Variants in SPATA20 observed in about 807,000 individuals in gnomAD.
SPATA20 encodes the protein spermatogenesis associated 20.
Under a neutral mutation model 98.9 loss-of-function variants are expected in SPATA20, and 74 were observed. That is an observed-to-expected ratio of 0.75 (90% CI 0.62 to 0.91). SPATA20 has a LOEUF of 0.91. Ranked by LOEUF, SPATA20 falls within the 40% of genes least tolerant of loss-of-function variation. SPATA20 has a pLI of 0.00. For synonymous variants in SPATA20, 430 were observed against 440.5 expected (o/e 0.98, Z 0.30); for missense variants, 1,016 against 1,069.8 (o/e 0.95, Z 0.70).
rs2034978577 is a variant in SPATA20, at chr17:50,549,658, C to G, written c.862+171C>G. 2.6e-5 allele frequency among the ~76,000 whole-genome samples: 4 copies of G among 152,212 alleles called. No homozygotes were observed. In the South Asian group the frequency reaches 8.3e-4, roughly 31 times the overall value. The stretch of plus-strand genomic sequence containing the variant: ...TCGGTGAAGACCCGACTGCTGGTGT[C>G]AGCAGTGACCCTCTCACCTTAACCT... On this transcript the variant is annotated intron_variant, in intron 7 of 16. Transcript: ENST00000006658.
rs147552420 is a variant in SPATA20, at chr17:50,551,137, G to T, written c.1523G>T (p.Arg508Leu). 3 of 1,606,756 alleles carry T rather than the reference G, an allele frequency of 1.9e-6. No individual in the cohort carries two copies. Residue 508 changes from arginine (R) to leucine (L), a missense_variant, in exon 12 of 17, where the codon CGG (arginine) becomes CTG (leucine). Coordinates refer to ENST00000006658, the MANE Select transcript of SPATA20 (RefSeq NM_022827.4). ...NSGLEKLFQA[R>L]KHRPKPHLDS... ...GGGCTGGAGAAGCTCTTCCAGGCCCGGAAGCATCGGCCCAAGCCGCACCTG... is the reference window on the plus strand; with the variant it reads ...GGGCTGGAGAAGCTCTTCCAGGCCCTGAAGCATCGGCCCAAGCCGCACCTG...
chr17:50,550,450 C>G (rs931534341), intron 9 of SPATA20, 86 bp from the exon 10 acceptor site: 10 of 1,444,830 alleles, frequency 6.9e-6, no homozygotes, highest in East Asian at 2.3e-5. Flanking sequence ...TTCCCTCCCC[C>G]GCCTGCCTCA....
rs1433502743 is a variant in SPATA20 at position 50,548,418 on chromosome 17, A to G, written c.261A>G (p.Pro87=). The change falls in exon 3 of 17, where the codon CCA becomes CCG. Residue 87 remains proline, a synonymous_variant. Coordinates refer to ENST00000006658, the MANE Select transcript of SPATA20 (RefSeq NM_022827.4). ...ACCGCCTGATCCACGAGAAGTCACC[A>G]TACCTCCTACAACATGCCTACAATC... ...VPNRLIHEKS[P]YLLQHAYNPV... is the part of the protein sequence containing the mutation. 13 of 1,614,032 alleles carry G rather than the reference A, an allele frequency of 8.1e-6. No individual in the cohort carries two copies. Among genetic ancestry groups the G allele is most frequent in the Non-Finnish European group, 1.1e-5 (13 of 1,179,974 alleles).
chr17:50,547,598 C>T (rs2034933776), intron 1 of SPATA20, 122 bp from the exon 2 acceptor site: 1 of 736,200 alleles, frequency 1.4e-6, no homozygotes, highest in African/African-American at 1.7e-5. Context: ...GGTCAAGGGC[C>T]TTTCTCCAAT....
chr17:50,554,133 TG>T, intron 14 of SPATA20, 117 bp from the exon 15 acceptor site: 2 of 860,930 alleles, frequency 2.3e-6, no homozygotes, highest in Non-Finnish European at 3.7e-6. Flanking sequence ...AGGGGCAGGA[TG>T]GGCAGGGCCT....
chr17:50,550,288 T>G lies in SPATA20; in HGVS notation c.1074T>G (p.Ala358=), dbSNP rs1253973665. 6.3e-7 allele frequency: 1 copy of G among 1,597,066 alleles called. No individual in the cohort carries two copies. The highest frequency in any genetic ancestry group is 8.6e-7 in the Non-Finnish European group (1 of 1,168,536). ...EKMLYDQAQL[A]VAYSQAFQLS... is the part of the protein sequence containing the mutation. ...TGCTCTATGACCAGGCACAGCTCGC[T>G]GTGGCCTATTCGCAGGCCTTCCAGG... The change falls in exon 9 of 17, where the codon GCT becomes GCG. Residue 358 remains alanine, a synonymous_variant. Transcript: ENST00000006658.
chr17:50,551,537 A>G lies in SPATA20; in HGVS notation c.1603A>G (p.Thr535Ala). The stretch of plus-strand genomic sequence containing the variant: ...CTTGATGGTGTCAGGCTATGCTGTG[A>G]CTGGGGCTGTCCTGGGCCAAGACAG... The part of the protein sequence containing the change: ...NGLMVSGYAV[T>A]GAVLGQDRLI... Residue 535 changes from threonine (T) to alanine (A), a missense_variant, in exon 13 of 17, where the codon ACT becomes GCT. Coordinates refer to ENST00000006658, the MANE Select transcript of SPATA20 (RefSeq NM_022827.4). 6.3e-7 allele frequency: 1 copy of G among 1,598,676 alleles called. No homozygotes were observed. Among genetic ancestry groups the G allele is most frequent in the South Asian group, 1.1e-5 (1 of 90,746 alleles).
In SPATA20 at chr17:50,548,543, G is replaced by C. The variant is rs1252757741; in HGVS notation, c.297-11G>C. The C allele has an allele frequency of 1.9e-6, 3 of 1,613,476 alleles. No homozygotes were observed. The highest frequency in any genetic ancestry group is 1.3e-5 in the African/African-American group (1 of 74,874). ...GGGCTACTGAGTGATGCCCCACCCT[G>C]CTGGGTCTAGGTACCCCTGGGGACA... On this transcript the variant is annotated splice_polypyrimidine_tract_variant and intron_variant, in intron 3 of 16. Transcript: ENST00000006658.
rs182746230 is a variant in SPATA20 at position 50,547,595 on chromosome 17, G to A, written c.78-125G>A. 9.1e-4 allele frequency: 670 copies of A among 732,272 alleles called. 4 individuals are homozygous for A. The African/African-American group carries it at 0.01, about 11-fold the overall frequency. 45.4% of individuals were successfully genotyped at this position (732,272 alleles called of 1,614,324 possible). On this transcript the variant is annotated intron_variant, in intron 1 of 16. Transcript: ENST00000006658. ...CCCCAGTGCTGGATGCTGGGTCAAGGGCCTTTCTCCAATAGTACCCTGTGC... is the reference window on the plus strand; with the variant it reads ...CCCCAGTGCTGGATGCTGGGTCAAGAGCCTTTCTCCAATAGTACCCTGTGC...
chr17:50,548,682 T>G (rs1597868668), intron 4 of SPATA20, 64 bp downstream of exon 4: 1 of 1,592,502 alleles, frequency 6.3e-7, no homozygotes, highest in Non-Finnish European at 8.5e-7. Context: ...TGGGGGAGGG[T>G]CCTCTCGGCC....
Position 50,548,926 on chromosome 17 carries a change from C to T in SPATA20, c.478C>T (p.Arg160Trp), listed in dbSNP as rs191069312. 1.4e-5 allele frequency: 23 copies of T among 1,614,150 alleles called. No individual in the cohort carries two copies. In the East Asian group the frequency reaches 3.8e-4, roughly 27 times the overall value. The change falls in exon 5 of 17, where the codon CGG (arginine) becomes TGG (tryptophan). Residue 160 changes from arginine to tryptophan, a missense_variant. Coordinates refer to ENST00000006658, the MANE Select transcript of SPATA20 (RefSeq NM_022827.4). Reference protein sequence around the residue: ...FVSVKVDREERPDVDKVYMTF... With the variant: ...FVSVKVDREEWPDVDKVYMTF... Reference sequence around the variant, plus strand: ...GAGTGTGAAGGTAGACCGTGAGGAGCGGCCTGACGTGGACAAGGTGTACAT... The same window carrying T: ...GAGTGTGAAGGTAGACCGTGAGGAGTGGCCTGACGTGGACAAGGTGTACAT...
At chr17:50,548,693 T>C in intron 4 of SPATA20, 75 bp downstream of exon 4, 1 of 1,588,852 alleles carries the variant, frequency 6.3e-7, no homozygotes, top group Non-Finnish European at 8.6e-7. Flanking sequence ...CCTCTCGGCC[T>C]GGCGGGTCTT....
At chr17:50,551,924 C>T in intron 13 of SPATA20, 45 bp from the exon 14 acceptor site, 1 of 1,515,232 alleles carries the variant, frequency 6.6e-7, no homozygotes, top group South Asian at 1.2e-5. Context: ...AAGGCCCTCT[C>T]TCCTGGGGCT....
chr17:50,549,739 C>T (rs1336730455), intron 7 of SPATA20, among the ~76,000 whole-genome samples: 2 of 152,222 alleles, frequency 1.3e-5, no homozygotes. Flanking sequence ...CCTGACTTGG[C>T]TAATGACATT....
Position 50,551,523 on chromosome 17 carries a change from C to T in SPATA20, c.1589C>T (p.Ser530Leu), listed in dbSNP as rs775021042. 13 of 1,593,896 alleles carry T rather than the reference C, an allele frequency of 8.2e-6. No homozygotes were observed. Among genetic ancestry groups the T allele is most frequent in the Non-Finnish European group, 1.0e-5 (12 of 1,163,358 alleles). Residue 530 changes from serine (S) to leucine (L), a missense_variant, in exon 13 of 17, where the codon TCA becomes TTA. Physicochemically the swap from Ser to Leu is moderately radical, Grantham distance 145 (BLOSUM62 -2). Transcript: ENST00000006658. ...MLAAWNGLMV[S>L]GYAVTGAVLG... is the part of the protein sequence containing the mutation. The stretch of plus-strand genomic sequence containing the variant: ...CTCCTGGCTCCAGGCTTGATGGTGT[C>T]AGGCTATGCTGTGACTGGGGCTGTC...
At position 50,550,242 on chromosome 17, in the gene SPATA20, A is replaced by G. The variant is rs761211061; in HGVS notation, c.1028A>G (p.His343Arg). The G allele has an allele frequency of 4.3e-6, 7 of 1,611,336 alleles. No individual in the cohort carries two copies. In the Admixed American group the frequency reaches 5.0e-5, roughly 12 times the overall value. Residue 343 changes from histidine to arginine, a missense_variant, in exon 9 of 17, where the codon CAC becomes CGC. His to Arg is a conservative substitution (Grantham distance 29). Transcript: ENST00000006658. ...CGCTACTCCACAGACCGCCAGTGGC[A>G]CGTCCCTCACTTTGAGAAGATGCTC... ...FHRYSTDRQW[H>R]VPHFEKMLYD...
chr17:50,551,747 T>TC (rs2035020164), intron 13 of SPATA20, 68 bp downstream of exon 13: 2 of 1,503,678 alleles, frequency 1.3e-6, no homozygotes, highest in Non-Finnish European at 1.8e-6. Context: ...CTGCCCTACT[T>TC]CTCCCCTCCA....
intron 15 of SPATA20, 24 bp from the exon 16 acceptor site, chr17:50,555,208 G>A: frequency 6.2e-7 from 1 of 1,609,450 alleles, no homozygotes; most frequent in Non-Finnish European, 8.5e-7. Context: ...TGACACACCG[G>A]AGTGACCTTT....
rs149309233 is a variant in SPATA20, at chr17:50,550,711, G to T, written c.1177G>T (p.Gly393Ter). Residue 393 changes from glycine to a stop codon, truncating the protein, a stop_gained, in exon 11 of 17, where the codon GGA becomes TGA. Coordinates refer to ENST00000006658, the MANE Select transcript of SPATA20 (RefSeq NM_022827.4). LOFTEE classifies it high-confidence loss of function. ...GCCAACTCTCCCCTCCCCACAGTCCGGAGGCTTCTATAGCGCAGAAGATGC... is the reference window on the plus strand; with the variant it reads ...GCCAACTCTCCCCTCCCCACAGTCCTGAGGCTTCTATAGCGCAGAAGATGC... The part of the protein sequence containing the change: ...YVARSLSHRS[G>*]GFYSAEDADS... 6.2e-7 allele frequency: 1 copy of T among 1,613,332 alleles called. No homozygotes were observed. Among genetic ancestry groups the T allele is most frequent in the South Asian group, 1.1e-5 (1 of 91,074 alleles).
Sources: gnomAD v4.1 joint callset for allele counts (sites outside exome capture counted in the v4.1 genomes callset) on GRCh38, gnomAD v4.1.1 for gene constraint, MANE v1.5 for transcripts, NCBI Gene and HGNC (gene_info 2026-07-23, HGNC 2026-07-21) for gene names.